Variants in ADAMTS2 observed in about 807,000 individuals in gnomAD.
ADAMTS2 encodes A disintegrin and metalloproteinase with thrombospondin motifs 2.
A neutral mutation model predicts 123.0 loss-of-function variants in ADAMTS2; 50 were observed. The ratio of observed to expected loss-of-function variants is 0.41; its 90% confidence interval spans 0.32 to 0.51. ADAMTS2 has a LOEUF of 0.51. Among genes scored for constraint, ADAMTS2 ranks in the 20% least tolerant of loss-of-function variants. The probability of loss-of-function intolerance (pLI) is 0.35; values close to 1 mark genes in which losing one functional copy is unlikely to be tolerated. For synonymous variants in ADAMTS2, 678 were observed against 695.4 expected, an observed-to-expected ratio of 0.98 and a Z score of 0.39; for missense variants, 1,494 against 1,705.2, an observed-to-expected ratio of 0.88 and a Z score of 2.18.
At chr5:179,183,244 G>A (rs1469369794) in intron 4 of ADAMTS2, among the ~76,000 whole-genome samples, 1 of 152,214 alleles carries the variant, frequency 6.6e-6, no homozygotes, top group Non-Finnish European at 1.5e-5. Context: ...GAGAGAAGGG[G>A]TTTCTGTAAT....
chr5:179,315,784 C>T (rs1756974558), intron 2 of ADAMTS2, among the ~76,000 whole-genome samples: 1 of 152,172 alleles, frequency 6.6e-6, no homozygotes, highest in South Asian at 2.1e-4. Flanking sequence ...CACCGAAGAG[C>T]AGAACAGAGG....
At chr5:179,143,633 G>C (rs1282308767) in intron 10 of ADAMTS2, among the ~76,000 whole-genome samples, 1 of 152,168 alleles carries the variant, frequency 6.6e-6, no homozygotes, top group African/African-American at 2.4e-5. Context: ...TGGGATTGGG[G>C]GCCTTATAAA....
intron 4 of ADAMTS2, among the ~76,000 whole-genome samples, chr5:179,200,527 G>A (rs1192137088): frequency 6.6e-6 from 1 of 152,140 alleles, no homozygotes; most frequent in Non-Finnish European, 1.5e-5. Context: ...AGGATTACAG[G>A]TGTGAGCCAC....
intron 3 of ADAMTS2, among the ~76,000 whole-genome samples, chr5:179,209,958 C>T (rs1215819601): frequency 3.9e-5 from 6 of 152,218 alleles, no homozygotes; most frequent in Non-Finnish European, 7.3e-5. Flanking sequence ...GGGTCACACA[C>T]GGGCGGTGCC....
In ADAMTS2 at chr5:179,329,929, A is replaced by C. The variant is rs569931239; in HGVS notation, c.534+13838T>G. The stretch of plus-strand genomic sequence containing the variant: ...ATCATGAGGTCAGGAGATCGAGACC[A>C]TCCTGGCTAACAAGGTGAAACCCCG... On this transcript the variant is annotated intron_variant, in intron 2 of 21. Transcript: ENST00000251582. 2.6e-5 allele frequency among the ~76,000 whole-genome samples: 4 copies of C among 151,904 alleles called. No homozygotes were observed. In the East Asian group the frequency reaches 7.8e-4, roughly 30 times the overall value.
At chr5:179,222,020 G>A (rs1418753491) in intron 3 of ADAMTS2, among the ~76,000 whole-genome samples, 2 of 151,936 alleles carry the variant, frequency 1.3e-5, no homozygotes, top group South Asian at 2.1e-4. Flanking sequence ...AGACAGCACC[G>A]AGAGGCCCCC....
chr5:179,202,119 T>C lies in ADAMTS2; in HGVS notation c.891+5394A>G, dbSNP rs1458073871. 1.3e-5 allele frequency among the ~76,000 whole-genome samples: 2 copies of C among 152,168 alleles called. No individual in the cohort carries two copies. Among genetic ancestry groups the C allele is most frequent in the Non-Finnish European group, 2.9e-5 (2 of 68,034 alleles). On this transcript the variant is annotated intron_variant, in intron 4 of 21. Coordinates refer to ENST00000251582, the MANE Select transcript of ADAMTS2 (RefSeq NM_014244.5). This position sits in a 1 kb window ranked among gnomAD's most constrained non-coding sequence, Gnocchi z 4.0. ...GACAGGAAGCAGCCCCTCCAGTGAT[T>C]TCCACTGCTCCCGGAGCCACAGGCG...
chr5:179,259,609 C>T (rs1422424364), intron 3 of ADAMTS2, among the ~76,000 whole-genome samples: 1 of 152,250 alleles, frequency 6.6e-6, no homozygotes, highest in Non-Finnish European at 1.5e-5. Context: ...CATTGCTGCC[C>T]TCAGGCACCA....
At chr5:179,320,166 G>A (rs746138105) in intron 2 of ADAMTS2, among the ~76,000 whole-genome samples, 1 of 152,200 alleles carries the variant, frequency 6.6e-6, no homozygotes, top group Non-Finnish European at 1.5e-5. Context: ...ATTCCCTCCC[G>A]CTCCATGTCT....
intron 2 of ADAMTS2, among the ~76,000 whole-genome samples, chr5:179,337,473 A>C (rs1018185619): frequency 2.0e-5 from 3 of 152,200 alleles, no homozygotes; most frequent in African/African-American, 7.2e-5. Context: ...AGACATGCAG[A>C]GGCAACATGT....
chr5:179,135,856 A>G (rs984342744), intron 13 of ADAMTS2, 53 bp downstream of exon 13: 18 of 1,610,856 alleles, frequency 1.1e-5, no homozygotes, highest in Non-Finnish European at 1.4e-5. Flanking sequence ...GTCAGTACCC[A>G]GGAAGCTGAG....
At position 179,128,763 on chromosome 5, in the gene ADAMTS2, A is replaced by G. The variant is rs185667561; in HGVS notation, c.2458-645T>C. Among the ~76,000 whole-genome samples the G allele has an allele frequency of 1.3e-5, 2 of 152,312 alleles. No individual in the cohort carries two copies. The highest frequency in any genetic ancestry group is 3.9e-4 in the East Asian group (2 of 5,184). ...ATTCATTAACACTGAACTCACAGTC[A>G]ATCGCACTGCAGCCCATGCCTGAAC... On this transcript the variant is annotated intron_variant, in intron 16 of 21. Transcript: ENST00000251582. The surrounding 1 kb of genome is among the most constrained non-coding windows in gnomAD (Gnocchi z 4.9).
chr5:179,125,253 C>T (rs1458282012), intron 18 of ADAMTS2, 73 bp from the exon 19 acceptor site: 21 of 1,430,402 alleles, frequency 1.5e-5, no homozygotes, highest in Admixed American at 3.4e-5. Context: ...GCTCCAGCGC[C>T]GCTCCCTGCA....
intron 3 of ADAMTS2, among the ~76,000 whole-genome samples, chr5:179,208,877 C>T: frequency 6.6e-6 from 1 of 152,210 alleles, no homozygotes; most frequent in East Asian, 1.9e-4. Context: ...GGCTGCAGGT[C>T]ATCGTGACAT....
Position 179,317,984 on chromosome 5 carries a change from A to C in ADAMTS2, c.534+25783T>G, listed in dbSNP as rs1046637210. The stretch of plus-strand genomic sequence containing the variant: ...GGACATGAGGAACGGGCAGTGATGA[A>C]TCTGAAGCCCTGCTGGTCAGCAGAG... On this transcript the variant is annotated intron_variant, in intron 2 of 21. Transcript: ENST00000251582. This position sits in a 1 kb window ranked among gnomAD's most constrained non-coding sequence, Gnocchi z 4.9. 2.0e-5 allele frequency among the ~76,000 whole-genome samples: 3 copies of C among 152,160 alleles called. No homozygotes were observed. The highest frequency in any genetic ancestry group is 7.2e-5 in the African/African-American group (3 of 41,446).
chr5:179,269,262 A>G lies in ADAMTS2; in HGVS notation c.688+3649T>C, dbSNP rs1013525026. On this transcript the variant is annotated intron_variant, in intron 3 of 21. Coordinates refer to ENST00000251582, the MANE Select transcript of ADAMTS2 (RefSeq NM_014244.5). Reference sequence around the variant, plus strand: ...CCTTGATCTTGGCTCAGTGAGATTCATTTCAGACTTCTGGCCCACAGAGCT... The same window carrying G: ...CCTTGATCTTGGCTCAGTGAGATTCGTTTCAGACTTCTGGCCCACAGAGCT... Among the ~76,000 whole-genome samples the G allele has an allele frequency of 2.0e-5, 3 of 152,180 alleles. No homozygotes were observed. The South Asian group carries it at 6.2e-4, about 31-fold the overall frequency.
chr5:179,217,290 TAC>T (rs1765005086), intron 3 of ADAMTS2, among the ~76,000 whole-genome samples: 1 of 152,166 alleles, frequency 6.6e-6, no homozygotes, highest in South Asian at 2.1e-4. Context: ...CAGAGCGACT[TAC>T]ATAAATTATG....
In ADAMTS2 at chr5:179,129,959, G is replaced by T. The variant is rs762314815; in HGVS notation, c.2430C>A (p.Gly810=). ...GAACGGTGATGGTGCCGTGGAGGGG[G>T]CCCATGGTCTGCAGCGTCTCCCGGC... ...EDGRETLQTM[G]PLHGTITVLV... is the part of the protein sequence containing the mutation. Residue 810 remains glycine (G), a synonymous_variant, in exon 16 of 22, where the codon GGC becomes GGA. Coordinates refer to ENST00000251582, the MANE Select transcript of ADAMTS2 (RefSeq NM_014244.5). The surrounding 1 kb of genome is among the most constrained non-coding windows in gnomAD (Gnocchi z 4.1). 2 of 1,613,942 alleles carry T rather than the reference G, an allele frequency of 1.2e-6. No homozygotes were observed. Among genetic ancestry groups the T allele is most frequent in the South Asian group, 1.1e-5 (1 of 91,078 alleles).
At chr5:179,276,854 G>C (rs952964155) in intron 2 of ADAMTS2, among the ~76,000 whole-genome samples, 2 of 152,176 alleles carry the variant, frequency 1.3e-5, no homozygotes, top group South Asian at 4.1e-4. Context: ...GATGCCACAG[G>C]CCTGAGGCCC....
Sources: gnomAD v4.1 joint callset for allele counts (sites outside exome capture counted in the v4.1 genomes callset) on GRCh38, gnomAD v4.1.1 for gene constraint, Gnocchi (gnomAD v3.1) non-coding constraint, MANE v1.5 for transcripts, NCBI Gene and HGNC (gene_info 2026-07-23, HGNC 2026-07-21) for gene names.